Variants in RPF1 observed in about 807,000 individuals in gnomAD.
The protein encoded by RPF1 is ribosome production factor 1 homolog, also known as ribosome production factor 1.
Under a neutral mutation model 41.9 loss-of-function variants are expected in RPF1, and 34 were observed. The ratio of observed to expected loss-of-function variants is 0.81; its 90% CI spans 0.62 to 1.08. RPF1 has a LOEUF of 1.08. Ranked by LOEUF, RPF1 falls within the 50% of genes least tolerant of loss-of-function variation. The pLI is 0.00. For synonymous variants in RPF1, 140 were observed against 148.9 expected, an observed-to-expected ratio of 0.94 and a Z score of 0.43; for missense variants, 425 against 435.2, an observed-to-expected ratio of 0.98 and a Z score of 0.21.
At position 84,482,970 on chromosome 1, in the gene RPF1, C is replaced by A. The variant is rs150021810; in HGVS notation, c.341C>A (p.Thr114Asn). 1.9e-3 allele frequency: 2,987 copies of A among 1,605,454 alleles called. 2 individuals are homozygous for A. The highest frequency in any genetic ancestry group is 2.3e-3 in the Non-Finnish European group (2,692 of 1,172,216). Residue 114 changes from threonine to asparagine, a missense_variant, in exon 3 of 9, where the codon ACC becomes AAC. By Grantham distance (65) the Thr-to-Asn change is moderately conservative (BLOSUM62 0). Coordinates refer to ENST00000370654, the MANE Select transcript of RPF1 (RefSeq NM_025065.7). ...TIDNQRVYDE[T>N]TVDPNDEEVA... ...GACAACCAGCGAGTGTATGATGAAA[C>A]CACAGTAGACCCTAATGATGAAGAG...
At chr1:84,486,370 G>A (rs896418852) in intron 3 of RPF1, among the ~76,000 whole-genome samples, 4 of 152,122 alleles carry the variant, frequency 2.6e-5, no homozygotes, top group African/African-American at 9.6e-5. Flanking sequence ...GGTGGATCAC[G>A]AAGTTAGGAG....
intron 3 of RPF1, among the ~76,000 whole-genome samples, chr1:84,485,136 G>A (rs1176749828): frequency 3.9e-5 from 6 of 151,946 alleles, no homozygotes; most frequent in Non-Finnish European, 7.4e-5. Flanking sequence ...ATGGAGTCTC[G>A]CTCTGTTGCC....
chr1:84,491,134 T>A (rs1681828036), intron 5 of RPF1, among the ~76,000 whole-genome samples: 1 of 152,208 alleles, frequency 6.6e-6, no homozygotes, highest in Non-Finnish European at 1.5e-5. Context: ...AGACCTGAGA[T>A]GAATGTGTCA....
chr1:84,495,409 C>A lies in RPF1; in HGVS notation c.653C>A (p.Thr218Asn). Residue 218 changes from threonine (T) to asparagine (N), a missense_variant, in exon 6 of 9, where the codon ACT becomes AAT. Thr to Asn is a moderately conservative substitution (Grantham distance 65). Transcript: ENST00000370654. ...TTGAGTCACTTGCCAAATGGCCCAA[C>A]TGCTCATTTTAAAATGAGCAGTGTT... ...LILSHLPNGPTAHFKMSSVRL... is the reference protein window; with the variant it reads ...LILSHLPNGPNAHFKMSSVRL... The A allele has an allele frequency of 1.3e-6, 2 of 1,542,316 alleles. No homozygotes were observed. Among genetic ancestry groups the A allele is most frequent in the Non-Finnish European group, 1.8e-6 (2 of 1,130,000 alleles).
intron 1 of RPF1, among the ~76,000 whole-genome samples, chr1:84,480,075 G>A (rs975755956): frequency 6.6e-5 from 10 of 152,142 alleles, no homozygotes; most frequent in Non-Finnish European, 1.0e-4. Flanking sequence ...GCTCATTTCT[G>A]GTTAAATTGC....
chr1:84,495,414 C>G lies in RPF1; in HGVS notation c.658C>G (p.His220Asp), dbSNP rs753535525. The G allele has an allele frequency of 6.5e-7, 1 of 1,540,070 alleles. No homozygotes were observed. The highest frequency in any genetic ancestry group is 1.2e-5 in the South Asian group (1 of 84,934). Reference protein sequence around the residue: ...LSHLPNGPTAHFKMSSVRLRK... With the variant: ...LSHLPNGPTADFKMSSVRLRK... ...TCACTTGCCAAATGGCCCAACTGCT[C>G]ATTTTAAAATGAGCAGTGTTCGTCT... Residue 220 changes from histidine (H) to aspartate (D), a missense_variant, in exon 6 of 9, where the codon CAT becomes GAT. By Grantham distance (81) the His-to-Asp change is moderately conservative. Transcript: ENST00000370654.
At chr1:84,485,958 A>C (rs759248680) in intron 3 of RPF1, among the ~76,000 whole-genome samples, 3 of 151,888 alleles carry the variant, frequency 2.0e-5, no homozygotes, top group Non-Finnish European at 2.9e-5. Context: ...CTGGGTAGTG[A>C]TTTTATATAG....
intron 5 of RPF1, 83 bp from the exon 6 acceptor site, chr1:84,495,290 C>T (rs576988109): frequency 2.7e-6 from 2 of 729,340 alleles, no homozygotes; most frequent in African/African-American, 3.6e-5. Flanking sequence ...TTTTAGGGGC[C>T]TTTGGATGTA....
chr1:84,480,892 A>C, intron 1 of RPF1, 64 bp from the exon 2 acceptor site: 1 of 839,530 alleles, frequency 1.2e-6, no homozygotes, highest in Non-Finnish European at 2.0e-6. Context: ...TTGTAGTTTC[A>C]GTATGTGTTT....
intron 3 of RPF1, among the ~76,000 whole-genome samples, chr1:84,484,359 A>G (rs1268573222): frequency 1.3e-5 from 2 of 151,922 alleles, no homozygotes; most frequent in Non-Finnish European, 2.9e-5. Context: ...AGACATTGAT[A>G]TTGGTATTCA....
intron 2 of RPF1, among the ~76,000 whole-genome samples, 182 bp from the exon 3 acceptor site, chr1:84,482,733 T>TAAA (rs200145466): frequency 1.4e-5 from 2 of 143,260 alleles, no homozygotes; most frequent in African/African-American, 5.2e-5. Context: ...CCCAGATTGT[T>TAAA]TAAAAAAAAA....
rs1250209588 is a variant in RPF1 at position 84,497,206 on chromosome 1, C to T, written c.1009-223C>T. 2.0e-5 allele frequency among the ~76,000 whole-genome samples: 3 copies of T among 150,624 alleles called. No individual in the cohort carries two copies. In the Admixed American group the frequency reaches 2.0e-4, roughly 10 times the overall value. On this transcript the variant is annotated intron_variant, in intron 8 of 8. Coordinates refer to ENST00000370654, the MANE Select transcript of RPF1 (RefSeq NM_025065.7). ...TTTCTATCTAGTATAAGCAGTACTT[C>T]ACTTAGTAACATTTTACTTTAAAAT...
Position 84,489,621 on chromosome 1 carries a change from C to G in RPF1, c.367-12C>G, listed in dbSNP as rs1558542716. ...TCTTTGATGTAAAATTATTCCTCTT[C>G]TCTGTTCTCAGGTCGCTTATGATGA... On this transcript the variant is annotated splice_polypyrimidine_tract_variant and intron_variant, in intron 3 of 8. Coordinates refer to ENST00000370654, the MANE Select transcript of RPF1 (RefSeq NM_025065.7). 1 of 1,488,254 alleles carries G rather than the reference C, an allele frequency of 6.7e-7. No individual in the cohort carries two copies. The highest frequency in any genetic ancestry group is 1.7e-5 in the Admixed American group (1 of 59,788). The allele number at this position is 1,488,254 out of a possible 1,614,324, so 92.2% of individuals were successfully genotyped here. A position where few individuals can be genotyped will look rare whatever the true frequency, so the allele number is the denominator to read the frequency against.
chr1:84,495,955 C>G lies in RPF1; in HGVS notation c.773C>G (p.Ser258Ter). The change falls in exon 7 of 9, where the codon TCA becomes TGA. Residue 258 changes from serine to a stop codon, truncating the protein, a stop_gained. Transcript: ENST00000370654. LOFTEE classifies it high-confidence loss of function. ...LNNFTTRLGH[S>*]IGRMFASLFP... ...AATTTTACAACACGGCTGGGTCATT[C>G]AATTGGACGTATGTTTGCATCTCTC... is the stretch of plus-strand genomic sequence containing the variant. The G allele has an allele frequency of 1.2e-6, 2 of 1,610,516 alleles. No individual in the cohort carries two copies. Among genetic ancestry groups the G allele is most frequent in the Non-Finnish European group, 1.7e-6 (2 of 1,176,738 alleles).
intron 5 of RPF1, among the ~76,000 whole-genome samples, chr1:84,491,671 C>T (rs1422751063): frequency 6.6e-6 from 1 of 152,104 alleles, no homozygotes; most frequent in African/African-American, 2.4e-5. Flanking sequence ...TAAACTGCCT[C>T]CACAAAGTGG....
intron 1 of RPF1, 134 bp downstream of exon 1, chr1:84,479,643 C>T: frequency 1.2e-6 from 1 of 809,648 alleles, no homozygotes; most frequent in Non-Finnish European, 1.9e-6. Context: ...GGTGGCGTCG[C>T]GGCCCACGTG....
rs1017242477 is a variant in RPF1, at chr1:84,495,408, A to G, written c.652A>G (p.Thr218Ala). Residue 218 changes from threonine to alanine, a missense_variant, in exon 6 of 9, where the codon ACT becomes GCT. Physicochemically the swap from Thr to Ala is moderately conservative, Grantham distance 58 (BLOSUM62 0). Coordinates refer to ENST00000370654, the MANE Select transcript of RPF1 (RefSeq NM_025065.7). ...TTTGAGTCACTTGCCAAATGGCCCA[A>G]CTGCTCATTTTAAAATGAGCAGTGT... ...LILSHLPNGP[T>A]AHFKMSSVRL... The G allele has an allele frequency of 1.1e-5, 17 of 1,542,842 alleles. No homozygotes were observed. Among genetic ancestry groups the G allele is most frequent in the Non-Finnish European group, 1.4e-5 (16 of 1,130,270 alleles).
At chr1:84,484,674 A>C (rs1681707608) in intron 3 of RPF1, among the ~76,000 whole-genome samples, 1 of 149,644 alleles carries the variant, frequency 6.7e-6, no homozygotes, top group Non-Finnish European at 1.5e-5. Context: ...AATGCTTGGG[A>C]CCAGAAGTCT....
chr1:84,487,257 C>G (rs980585222), intron 3 of RPF1, among the ~76,000 whole-genome samples: 2 of 152,150 alleles, frequency 1.3e-5, no homozygotes, highest in Non-Finnish European at 2.9e-5. Context: ...TCATTTTATA[C>G]TTTTGTGGTA....
Sources: gnomAD v4.1 joint callset for allele counts (sites outside exome capture counted in the v4.1 genomes callset) on GRCh38, gnomAD v4.1.1 for gene constraint, MANE v1.5 for transcripts, NCBI Gene and HGNC (gene_info 2026-07-23, HGNC 2026-07-21) for gene names.